Variants in ITK observed in about 807,000 individuals in gnomAD.
ITK encodes the protein IL2 inducible T cell kinase.
A neutral mutation model predicts 87.6 loss-of-function variants in ITK; 45 were observed. That is an observed-to-expected ratio of 0.51 (90% CI 0.40 to 0.66). The LOEUF (loss-of-function observed/expected upper bound fraction) is 0.66. Among genes scored for constraint, ITK ranks in the 30% least tolerant of loss-of-function variants. ITK has a pLI of 0.00. For synonymous variants in ITK, 303 were observed against 273.6 expected (o/e 1.11, Z -1.06); for missense variants, 605 against 766.3 (o/e 0.79, Z 2.48).
intron 5 of ITK, among the ~76,000 whole-genome samples, chr5:157,218,366 G>T (rs1451523937): frequency 6.6e-6 from 1 of 151,892 alleles, no homozygotes; most frequent in Admixed American, 6.6e-5. Flanking sequence ...AAATTAGCTG[G>T]TGTGGTGGTG....
rs754993426 is a variant in ITK at position 157,244,247 on chromosome 5, G to C, written c.1233-15G>C. ...CTGAGTTTAGGCCATCTCACCCCTT[G>C]TCTTTTTCCTCCAGGAAACTCTCTC... On this transcript the variant is annotated splice_polypyrimidine_tract_variant and intron_variant, in intron 12 of 16. Coordinates refer to ENST00000422843, the MANE Select transcript of ITK (RefSeq NM_005546.4). The C allele has an allele frequency of 1.2e-6, 2 of 1,611,174 alleles. No homozygotes were observed. The highest frequency in any genetic ancestry group is 1.7e-4 in the Middle Eastern group (1 of 6,054).
intron 12 of ITK, 183 bp from the exon 13 acceptor site, chr5:157,244,079 C>T (rs917619557): frequency 2.2e-5 from 15 of 696,792 alleles, no homozygotes; most frequent in East Asian, 1.3e-4. Flanking sequence ...ACAGCTGACT[C>T]CTTGCCATTT....
chr5:157,227,822 CTTTTTTTTTTTTTT>C (rs34428784), intron 6 of ITK, among the ~76,000 whole-genome samples: 2 of 84,832 alleles, frequency 2.4e-5, no homozygotes, highest in African/African-American at 5.5e-5. Context: ...TTACCAATTC[CTTTTTTTTTTTTTT>C]TTTTTTTTTT....
intron 15 of ITK, among the ~76,000 whole-genome samples, chr5:157,247,677 A>G (rs1243440764): frequency 6.6e-6 from 1 of 152,202 alleles, no homozygotes; most frequent in Non-Finnish European, 1.5e-5. Flanking sequence ...TGAGAGATCA[A>G]TGGAAAAAAG....
Position 157,252,376 on chromosome 5 carries a change from C to T in ITK, c.1792-231C>T, listed in dbSNP as rs577690832. Among the ~76,000 whole-genome samples the T allele has an allele frequency of 2.0e-5, 3 of 152,216 alleles. No homozygotes were observed. The East Asian group carries it at 5.8e-4, about 29-fold the overall frequency. On this transcript the variant is annotated intron_variant, in intron 16 of 16. Coordinates refer to ENST00000422843, the MANE Select transcript of ITK (RefSeq NM_005546.4). ...ACTGAGGTTCAAAGAGGTTAAATAACCTGCTGAATGTCACACAGCTAATTA... is the reference window on the plus strand; with the variant it reads ...ACTGAGGTTCAAAGAGGTTAAATAATCTGCTGAATGTCACACAGCTAATTA...
intron 1 of ITK, among the ~76,000 whole-genome samples, chr5:157,192,058 T>C (rs978338542): frequency 7.2e-5 from 11 of 152,212 alleles, no homozygotes; most frequent in Middle Eastern, 3.2e-3. Flanking sequence ...AAAAAGGAAC[T>C]AATAGAAACA....
intron 6 of ITK, 89 bp downstream of exon 6, chr5:157,223,103 T>G: frequency 6.8e-7 from 1 of 1,476,920 alleles, no homozygotes; most frequent in Non-Finnish European, 9.5e-7. Context: ...TCTCCCACAG[T>G]GTAACCACAG....
chr5:157,206,599 C>T (rs1754084049), intron 1 of ITK, among the ~76,000 whole-genome samples: 1 of 152,080 alleles, frequency 6.6e-6, no homozygotes, highest in South Asian at 2.1e-4. Flanking sequence ...TTAATTTCCT[C>T]CTGGTTCAGT....
chr5:157,208,789 AAAGCC>A, intron 1 of ITK, 95 bp from the exon 2 acceptor site: 1 of 855,270 alleles, frequency 1.2e-6, no homozygotes, highest in Non-Finnish European at 1.9e-6. Context: ...ATAGGTTTAA[AAAGCC>A]AATGGATCTT....
At chr5:157,195,131 C>G (rs1561648181) in intron 1 of ITK, 2 of 152,264 alleles carry the variant, frequency 1.3e-5, no homozygotes, top group African/African-American at 4.8e-5. Flanking sequence ...AGATCCCAGG[C>G]CCCCACGTTC....
At chr5:157,215,799 C>G (rs1754286626) in intron 4 of ITK, among the ~76,000 whole-genome samples, 1 of 152,168 alleles carries the variant, frequency 6.6e-6, no homozygotes, top group Non-Finnish European at 1.5e-5. Flanking sequence ...TACCTAAGCC[C>G]TTTTCCAATT....
chr5:157,238,073 A>T, intron 8 of ITK, 36 bp from the exon 9 acceptor site: 3 of 1,525,256 alleles, frequency 2.0e-6, no homozygotes, highest in Non-Finnish European at 2.7e-6. Context: ...TGGTTTCCTG[A>T]GATCACTAAC....
At chr5:157,194,023 A>G (rs1353303702) in intron 1 of ITK, among the ~76,000 whole-genome samples, 2 of 152,188 alleles carry the variant, frequency 1.3e-5, no homozygotes, top group Admixed American at 1.3e-4. Flanking sequence ...AGCTACGAGG[A>G]CGGTAAGTAA....
chr5:157,224,817 G>T (rs923859270), intron 6 of ITK, among the ~76,000 whole-genome samples: 2 of 152,076 alleles, frequency 1.3e-5, no homozygotes, highest in African/African-American at 4.8e-5. Flanking sequence ...CACAATCTTA[G>T]AATGTATGAT....
At chr5:157,187,526 A>G (rs1753668107) in intron 1 of ITK, among the ~76,000 whole-genome samples, 1 of 152,206 alleles carries the variant, frequency 6.6e-6, no homozygotes, top group African/African-American at 2.4e-5. Flanking sequence ...AGGACTTCAA[A>G]AGGGAGATTA....
intron 10 of ITK, chr5:157,241,314 GA>G (rs1754892100): frequency 5.8e-6 from 1 of 172,770 alleles, no homozygotes; most frequent in African/African-American, 2.4e-5. Flanking sequence ...GAGACTTAAT[GA>G]AAACTGGCAA....
intron 1 of ITK, among the ~76,000 whole-genome samples, chr5:157,189,673 G>T (rs920124727): frequency 6.6e-6 from 1 of 152,012 alleles, no homozygotes; most frequent in African/African-American, 2.4e-5. Context: ...ACAGCAAGGT[G>T]CTGTCACAAA....
Position 157,228,855 on chromosome 5 carries a change from C to T in ITK, c.713+494C>T, listed in dbSNP as rs1459375156. 3.9e-5 allele frequency among the ~76,000 whole-genome samples: 6 copies of T among 152,158 alleles called. No individual in the cohort carries two copies. In the South Asian group the frequency reaches 1.0e-3, roughly 26 times the overall value. ...GTTGCCCAGGCTGGTCTTTAACTTC[C>T]GGGCTCTAGTGATCCTCCCATTATG... is the stretch of plus-strand genomic sequence containing the variant. On this transcript the variant is annotated intron_variant, in intron 7 of 16. Coordinates refer to ENST00000422843, the MANE Select transcript of ITK (RefSeq NM_005546.4).
chr5:157,241,023 C>T (rs189875528), intron 10 of ITK: 4 of 152,444 alleles, frequency 2.6e-5, no homozygotes, highest in Non-Finnish European at 4.4e-5. Context: ...CTGCAACCTC[C>T]ACCTCCCAGG....
Sources: gnomAD v4.1 joint callset for allele counts (sites outside exome capture counted in the v4.1 genomes callset) on GRCh38, gnomAD v4.1.1 for gene constraint, MANE v1.5 for transcripts, NCBI Gene and HGNC (gene_info 2026-07-23, HGNC 2026-07-21) for gene names.